The following ADAMTS19 variants were observed in gnomAD, a reference collection of about 807,000 sequenced individuals.
ADAMTS19 encodes ADAM metallopeptidase with thrombospondin type 1 motif 19.
In ADAMTS19, 93 loss-of-function variants were observed where a neutral mutation model predicts 153.3. The ratio of observed to expected loss-of-function variants is 0.61; its 90% confidence interval spans 0.51 to 0.72. The LOEUF (loss-of-function observed/expected upper bound fraction) is 0.72. ADAMTS19 is among the 30% of genes least tolerant of loss of function. The pLI is 0.00. For synonymous variants in ADAMTS19, 600 were observed against 556.6 expected, an observed-to-expected ratio of 1.08 and a Z score of -1.10; for missense variants, 1,482 against 1,552.1, an observed-to-expected ratio of 0.95 and a Z score of 0.76.
At chr5:129,585,150 G>A (rs1372918771) in intron 7 of ADAMTS19, among the ~76,000 whole-genome samples, 3 of 151,722 alleles carry the variant, frequency 2.0e-5, no homozygotes, top group African/African-American at 4.8e-5. Context: ...GGCTAGTGGA[G>A]GGAGTTCCCC....
intron 10 of ADAMTS19, among the ~76,000 whole-genome samples, chr5:129,635,984 G>A (rs144690754): frequency 3.9e-5 from 6 of 152,064 alleles, no homozygotes; most frequent in African/African-American, 1.4e-4. Flanking sequence ...GCAACCTCCA[G>A]CTCCCAGGTT....
rs1755789339 is a variant in ADAMTS19, at chr5:129,700,590, T to C, written c.2955-798T>C. 1.3e-5 allele frequency among the ~76,000 whole-genome samples: 2 copies of C among 152,310 alleles called. 1 individual carries two copies. Among genetic ancestry groups the C allele is most frequent in the South Asian group, 4.1e-4 (2 of 4,830 alleles). ...CAATTTTGTGACCTTTGGTAAGGTATTAAGCCTCTGTGTGCCTGAGCTTCC... is the reference window on the plus strand; with the variant it reads ...CAATTTTGTGACCTTTGGTAAGGTACTAAGCCTCTGTGTGCCTGAGCTTCC... On this transcript the variant is annotated intron_variant, in intron 19 of 22. Transcript: ENST00000274487.
In ADAMTS19 at chr5:129,649,431, T is replaced by C. The variant is rs1753215776; in HGVS notation, c.2176+461T>C. Among the ~76,000 whole-genome samples, 3 of 152,230 alleles carry C rather than the reference T, an allele frequency of 2.0e-5. 1 individual carries two copies. The South Asian group carries it at 6.2e-4, about 32-fold the overall frequency. ...CAACCTGATAGATCTCAGAGCATTA[T>C]GCTGAGTGAAAAATGCCAATCTCAA... On this transcript the variant is annotated intron_variant, in intron 13 of 22. Coordinates refer to ENST00000274487, the MANE Select transcript of ADAMTS19 (RefSeq NM_133638.6).
intron 8 of ADAMTS19, among the ~76,000 whole-genome samples, chr5:129,612,418 GA>G (rs1199890296): frequency 6.6e-6 from 1 of 151,900 alleles, no homozygotes; most frequent in Non-Finnish European, 1.5e-5. Context: ...TTTCAACCCA[GA>G]ATTTCATATC....
intron 8 of ADAMTS19, among the ~76,000 whole-genome samples, chr5:129,603,059 A>G (rs1274205496): frequency 1.3e-5 from 2 of 152,096 alleles, no homozygotes; most frequent in Non-Finnish European, 2.9e-5. Context: ...GAAAAAAAAA[A>G]GCTGAAGTAA....
At chr5:129,697,009 ATGTCAGTT>A (rs1167440400) in intron 19 of ADAMTS19, among the ~76,000 whole-genome samples, 9 of 152,152 alleles carry the variant, frequency 5.9e-5, no homozygotes, top group East Asian at 3.9e-4. Context: ...TCCCTATAGA[ATGTCAGTT>A]TCCCCAACAA....
At chr5:129,658,490 A>G (rs953575263) in intron 14 of ADAMTS19, 127 bp from the exon 15 acceptor site, 1 of 921,528 alleles carries the variant, frequency 1.1e-6, no homozygotes, top group Non-Finnish European at 1.6e-6. Context: ...ACATTTTATA[A>G]TATGACATTT....
At chr5:129,723,099 A>T (rs1581263751) in intron 21 of ADAMTS19, among the ~76,000 whole-genome samples, 1 of 152,174 alleles carries the variant, frequency 6.6e-6, no homozygotes, top group African/African-American at 2.4e-5. Context: ...CTGTCTGCTC[A>T]GTGCTATCAT....
intron 7 of ADAMTS19, among the ~76,000 whole-genome samples, chr5:129,564,221 G>T (rs1753624814): frequency 6.6e-6 from 1 of 152,158 alleles, no homozygotes; most frequent in African/African-American, 2.4e-5. Context: ...AGCACAGCCT[G>T]AATGATATAT....
chr5:129,608,090 A>ATATGTG (rs1554098184), intron 8 of ADAMTS19, among the ~76,000 whole-genome samples: 1 of 104,544 alleles, frequency 9.6e-6, no homozygotes, highest in East Asian at 2.8e-4. Flanking sequence ...TTTTATATAT[A>ATATGTG]TGTGTGTGTG....
chr5:129,461,636 C>T lies in ADAMTS19; in HGVS notation c.626C>T (p.Pro209Leu). Residue 209 changes from proline to leucine, a missense_variant, in exon 2 of 23, where the codon CCC becomes CTC. Coordinates refer to ENST00000274487, the MANE Select transcript of ADAMTS19 (RefSeq NM_133638.6). This position sits in a 1 kb window ranked among gnomAD's most constrained non-coding sequence, Gnocchi z 4.6. ...CAGCGGCCAAATCCCGGCCCCGGCC[C>T]CACGGGGGCAGCATCCGCCCCGCAA... ...VEQRPNPGPG[P>L]TGAASAPQPP... 6 of 1,594,382 alleles carry T rather than the reference C, an allele frequency of 3.8e-6. No homozygotes were observed. Among genetic ancestry groups the T allele is most frequent in the Non-Finnish European group, 5.1e-6 (6 of 1,176,484 alleles).
intron 10 of ADAMTS19, among the ~76,000 whole-genome samples, chr5:129,640,368 A>C (rs1434140350): frequency 3.3e-5 from 5 of 152,196 alleles, no homozygotes; most frequent in African/African-American, 1.2e-4. Flanking sequence ...TAGGGTAATT[A>C]AATATTAATA....
chr5:129,639,285 A>C (rs1581173598), intron 10 of ADAMTS19, among the ~76,000 whole-genome samples: 1 of 152,182 alleles, frequency 6.6e-6, no homozygotes, highest in African/African-American at 2.4e-5. Context: ...CTAATGTGAC[A>C]TATCTGAGGT....
chr5:129,656,182 A>T (rs1216288947), intron 14 of ADAMTS19, among the ~76,000 whole-genome samples: 1 of 152,184 alleles, frequency 6.6e-6, no homozygotes, highest in Admixed American at 6.5e-5. Flanking sequence ...AACAACAAAG[A>T]TTTTGCACAA....
At chr5:129,530,536 G>A (rs1275202405) in intron 6 of ADAMTS19, among the ~76,000 whole-genome samples, 3 of 152,008 alleles carry the variant, frequency 2.0e-5, no homozygotes, top group Non-Finnish European at 2.9e-5. Context: ...CTTCACATCC[G>A]AAAAACCATA....
intron 8 of ADAMTS19, among the ~76,000 whole-genome samples, chr5:129,607,928 G>GGT (rs1217702201): frequency 1.0e-4 from 15 of 147,962 alleles, no homozygotes; most frequent in South Asian, 6.4e-4. Flanking sequence ...AAGAAAATGT[G>GGT]GTGTGTGTGT....
intron 9 of ADAMTS19, 127 bp downstream of exon 9, chr5:129,620,885 A>G: frequency 2.1e-6 from 2 of 954,774 alleles, no homozygotes; most frequent in East Asian, 2.7e-5. Flanking sequence ...CTTGGTTCCA[A>G]TCCTGGCTTT....
In ADAMTS19 at chr5:129,737,169, G is replaced by T; in HGVS notation, c.3593G>T (p.Cys1198Phe). The change falls in exon 23 of 23, where the codon TGT becomes TTT. Residue 1198 changes from cysteine (C) to phenylalanine (F), a missense_variant. By Grantham distance (205) the Cys-to-Phe change is radical. Coordinates refer to ENST00000274487, the MANE Select transcript of ADAMTS19 (RefSeq NM_133638.6). The part of the protein sequence containing the change: ...CQDMRWYQRC[C>F]ETCRDFYAQK... ...GACATGCGGTGGTATCAGCGCTGCT[G>T]TGAAACATGCAGGGACTTCTATGCC... is the stretch of plus-strand genomic sequence containing the variant. 1 of 1,610,834 alleles carries T rather than the reference G, an allele frequency of 6.2e-7. No homozygotes were observed. The highest frequency in any genetic ancestry group is 8.5e-7 in the Non-Finnish European group (1 of 1,177,894).
intron 16 of ADAMTS19, among the ~76,000 whole-genome samples, chr5:129,669,487 AGTCTT>A (rs1281919868): frequency 6.6e-6 from 1 of 151,900 alleles, no homozygotes; most frequent in African/African-American, 2.4e-5. Context: ...TAGTAATTTG[AGTCTT>A]GTCTTTTCTT....
Sources: allele counts gnomAD v4.1 joint callset (sites outside exome capture counted in the v4.1 genomes callset), GRCh38; gene constraint gnomAD v4.1.1; non-coding constraint Gnocchi (gnomAD v3.1); transcripts MANE v1.5; gene names NCBI Gene and HGNC (gene_info 2026-07-23, HGNC 2026-07-21).